The following DDX3X variants were observed in gnomAD, a reference collection of about 807,000 sequenced individuals.
DDX3X encodes the protein DEAD-box helicase 3 X-linked.
A neutral mutation model predicts 52.7 loss-of-function variants in DDX3X; 4 were observed. The observed-to-expected ratio is 0.08, with a 90% CI of 0.04 to 0.17. The LOEUF is 0.17. Ranked by LOEUF, DDX3X falls within the 10% of genes least tolerant of loss-of-function variation. The pLI, the probability that DDX3X is intolerant of heterozygous loss-of-function variation, is 1.00. For missense variants in DDX3X, 222 were observed against 548.6 expected (o/e 0.40, Z 5.95); for synonymous variants, 192 against 178.1 (o/e 1.08, Z -0.62).
chrX:41,333,888 A>T, upstream of DDX3X: 1 of 170,259 alleles, frequency 5.9e-6, no homozygotes, highest in East Asian at 1.2e-4. Context: ...GAGAACTCCG[A>T]GGCTGAGACT....
At chrX:41,358,821 C>A (rs1424390574) in intron 5 of DDX3X, among the ~76,000 whole-genome samples, 2 of 111,353 alleles carry the variant, frequency 1.8e-5, no homozygotes. Context: ...TACAATGGCG[C>A]CATCTTGGCT....
downstream of DDX3X, among the ~76,000 whole-genome samples, chrX:41,354,043 T>C (rs940564153): frequency 3.6e-5 from 4 of 111,527 alleles, no homozygotes; most frequent in Middle Eastern, 0.014. Context: ...CCTGAGCAGA[T>C]TTTATACGGT....
In DDX3X at chrX:41,334,744, G is replaced by A. The variant is rs944651392; in HGVS notation, c.45+447G>A. 4 of 972,495 alleles carry A rather than the reference G, an allele frequency of 4.1e-6. No individual in the cohort carries two copies. In the African/African-American group the frequency reaches 5.9e-5, roughly 14 times the overall value. The allele number at this position is 972,495 out of a possible 1,213,427, so 80.1% of individuals were successfully genotyped here. On this transcript the variant is annotated intron_variant, in intron 1 of 16. Transcript: ENST00000644876. ...CCGTCCGGAGGACCTGGCGGCACCC[G>A]GTGTTTGCGTGCCTGCGAGCAAGGG...
downstream of DDX3X, among the ~76,000 whole-genome samples, chrX:41,355,270 C>T (rs1052627939): frequency 8.1e-5 from 9 of 111,495 alleles, no homozygotes; most frequent in African/African-American, 1.3e-4. Context: ...TACAGGTTTT[C>T]GTGTAGACAT....
intron 14 of DDX3X, 21 bp from the exon 15 acceptor site, chrX:41,346,838 C>G: frequency 8.4e-7 from 1 of 1,185,465 alleles, no homozygotes; most frequent in Non-Finnish European, 1.1e-6. Flanking sequence ...TGTTTATATA[C>G]TTTTTTGGGA....
chrX:41,353,191 C>T (rs963093261), downstream of DDX3X, among the ~76,000 whole-genome samples: 11 of 109,285 alleles, frequency 1.0e-4, no homozygotes, highest in Non-Finnish European at 1.9e-4. Context: ...CAGTGGCTCA[C>T]GCCTGTAATC....
At chrX:41,339,513 A>G (rs960335893) in intron 3 of DDX3X, 1 of 112,840 alleles carries the variant, frequency 8.9e-6, no homozygotes, top group Admixed American at 9.5e-5. Flanking sequence ...ACAGCGTTGG[A>G]AGTGATTCTC....
chrX:41,349,062 G>T lies in DDX3X; in HGVS notation c.*1343G>T, dbSNP rs1338065735. 3.6e-5 allele frequency: 4 copies of T among 112,210 alleles called. No individual in the cohort carries two copies. The allele number at this position is 112,210 out of a possible 1,213,427, so 9.2% of individuals were successfully genotyped here. A position where few individuals can be genotyped will look rare whatever the true frequency, so the allele number is the denominator to read the frequency against. On this transcript the variant is annotated 3_prime_UTR_variant, in exon 17 of 17. Coordinates refer to ENST00000644876, the MANE Select transcript of DDX3X (RefSeq NM_001356.5). Reference sequence around the variant, plus strand: ...CCACTTTGAATTCTGTGCTAATTTTGTGGCCAGAATGCGGTGATCAAAACG... The same window carrying T: ...CCACTTTGAATTCTGTGCTAATTTTTTGGCCAGAATGCGGTGATCAAAACG...
chrX:41,334,361 T>A, intron 1 of DDX3X, 64 bp downstream of exon 1: 1 of 1,180,633 alleles, frequency 8.5e-7, no homozygotes. Flanking sequence ...CTAACCTGGC[T>A]AATGGCGCAG....
rs1300989799 is a variant in DDX3X at position 41,348,700 on chromosome X, C to T, written c.*981C>T. On this transcript the variant is annotated 3_prime_UTR_variant, in exon 17 of 17. Coordinates refer to ENST00000644876, the MANE Select transcript of DDX3X (RefSeq NM_001356.5). ...ATGATTTTTGGTCTAATAACGCATG[C>T]TAGTGTTGATGTTTTTTGGTCAAGA... The T allele has an allele frequency of 8.9e-6, 1 of 112,276 alleles. No individual in the cohort carries two copies. The highest frequency in any genetic ancestry group is 1.9e-5 in the Non-Finnish European group (1 of 53,164). The allele number at this position is 112,276 out of a possible 1,213,427, so 9.3% of individuals were successfully genotyped here.
At chrX:41,344,005 A>AC in intron 8 of DDX3X, 25 bp from the exon 9 acceptor site, 1 of 1,156,201 alleles carries the variant, frequency 8.6e-7, no homozygotes, top group Non-Finnish European at 1.2e-6. Flanking sequence ...GGTAGAGTTA[A>AC]CTTAAAAATT....
intron 5 of DDX3X, among the ~76,000 whole-genome samples, chrX:41,358,672 C>T (rs2064018136): frequency 8.9e-6 from 1 of 112,116 alleles, no homozygotes. Flanking sequence ...AATTGGAACA[C>T]TCTTGGCAGA....
At chrX:41,359,659 A>C (rs2064021478) in intron 5 of DDX3X, among the ~76,000 whole-genome samples, 1 of 106,360 alleles carries the variant, frequency 9.4e-6, no homozygotes, top group Non-Finnish European at 1.9e-5. Flanking sequence ...AAGTATATCA[A>C]ATGAAACGTT....
At chrX:41,358,863 A>G (rs992883276) in intron 5 of DDX3X, among the ~76,000 whole-genome samples, 3 of 111,406 alleles carry the variant, frequency 2.7e-5, no homozygotes, top group Non-Finnish European at 5.7e-5. Flanking sequence ...GGTTCAGGCA[A>G]TTCTCCTGCC....
In DDX3X at chrX:41,346,878, T is replaced by C. The variant is rs1317504629; in HGVS notation, c.1635T>C (p.Phe545=). The C allele has an allele frequency of 1.7e-6, 2 of 1,209,595 alleles. No individual in the cohort carries two copies. Among genetic ancestry groups the C allele is most frequent in the Non-Finnish European group, 2.2e-6 (2 of 894,160 alleles). Residue 545 remains phenylalanine, a synonymous_variant, in exon 15 of 17, where the codon TTT becomes TTC. Coordinates refer to ENST00000644876, the MANE Select transcript of DDX3X (RefSeq NM_001356.5). ...TTTTAGGCCTGGCAACCTCATTCTT[T>C]AACGAGAGGAACATAAATATTACTA... ...VGNLGLATSF[F]NERNINITKD... is the part of the protein sequence containing the mutation.
At position 41,334,535 on chromosome X, in the gene DDX3X, T is replaced by TGTGC. The variant is rs773232755; in HGVS notation, c.45+244_45+247dup. ...GACGAGCACAATGGCGGCTTTTGTG[T>TGTGC]GTGCGTGCGCAGGCGGGCGGAGGGG... On this transcript the variant is annotated intron_variant, in intron 1 of 16. Transcript: ENST00000644876. 7 of 1,094,502 alleles carry TGTGC rather than the reference T, an allele frequency of 6.4e-6. No individual in the cohort carries two copies. In the East Asian group the frequency reaches 2.0e-4, roughly 32 times the overall value. 90.2% of individuals were successfully genotyped at this position (1,094,502 alleles called of 1,213,427 possible).
chrX:41,340,839 A>T, intron 3 of DDX3X: 2 of 296,834 alleles, frequency 6.7e-6, no homozygotes, highest in Non-Finnish European at 1.2e-5. Flanking sequence ...TAGTAAACTC[A>T]TTCACACCTA....
chrX:41,352,086 CAA>C (rs769593941), downstream of DDX3X, among the ~76,000 whole-genome samples: 8 of 110,572 alleles, frequency 7.2e-5, no homozygotes, highest in East Asian at 2.9e-4. Flanking sequence ...AAAGTGGAAA[CAA>C]AAATGTCCCT....
chrX:41,355,461 A>G (rs1350166357), intron 5 of DDX3X, among the ~76,000 whole-genome samples: 1 of 108,976 alleles, frequency 9.2e-6, no homozygotes, highest in Non-Finnish European at 1.9e-5. Context: ...TGGTATTGTT[A>G]TTATTCTTAC....
Sources: gnomAD v4.1 joint callset for allele counts (sites outside exome capture counted in the v4.1 genomes callset) on GRCh38, gnomAD v4.1.1 for gene constraint, MANE v1.5 for transcripts, NCBI Gene and HGNC (gene_info 2026-07-23, HGNC 2026-07-21) for gene names.